The following CFAP58 variants were observed in gnomAD, a reference collection of about 807,000 sequenced individuals.
The protein encoded by CFAP58 is cilia and flagella associated protein 58.
CFAP58 carries 88 observed loss-of-function variants against 119.5 expected under a neutral mutation model. The observed-to-expected ratio is 0.74, with a 90% CI of 0.62 to 0.88. The LOEUF is 0.88. Among genes scored for constraint, CFAP58 ranks in the 40% least tolerant of loss-of-function variants. The pLI, the probability that CFAP58 is intolerant of heterozygous loss-of-function variation, is 0.00. For missense variants in CFAP58, 990 were observed against 1,021.2 expected, an observed-to-expected ratio of 0.97 and a Z score of 0.42; for synonymous variants, 365 against 366.3, an observed-to-expected ratio of 1.00 and a Z score of 0.04.
chr10:104,355,273 A>G (rs922410558), intron 1 of CFAP58, among the ~76,000 whole-genome samples: 1 of 151,590 alleles, frequency 6.6e-6, no homozygotes, highest in Non-Finnish European at 1.5e-5. Flanking sequence ...TTCATTCTTC[A>G]TTCCCCATAG....
intron 15 of CFAP58, among the ~76,000 whole-genome samples, chr10:104,410,743 C>T (rs2012446896): frequency 6.6e-6 from 1 of 152,128 alleles, no homozygotes; most frequent in East Asian, 1.9e-4. Flanking sequence ...AGAACACACT[C>T]CATTTCCTGA....
intron 15 of CFAP58, among the ~76,000 whole-genome samples, chr10:104,438,211 A>C (rs553932744): frequency 6.6e-6 from 1 of 152,186 alleles, no homozygotes; most frequent in African/African-American, 2.4e-5. Flanking sequence ...AACACACATT[A>C]TCTCATAACT....
chr10:104,406,629 A>T, intron 14 of CFAP58, 60 bp from the exon 15 acceptor site: 1 of 1,300,626 alleles, frequency 7.7e-7, no homozygotes. Context: ...TTTTACATAG[A>T]GGCCTCAGTG....
chr10:104,426,981 G>C (rs1347769160), intron 15 of CFAP58, among the ~76,000 whole-genome samples: 1 of 152,156 alleles, frequency 6.6e-6, no homozygotes, highest in East Asian at 1.9e-4. Flanking sequence ...AATGATGTTG[G>C]GTTTTTAGAA....
At chr10:104,441,083 G>A (rs1477087907) in intron 15 of CFAP58, among the ~76,000 whole-genome samples, 1 of 152,142 alleles carries the variant, frequency 6.6e-6, no homozygotes, top group Non-Finnish European at 1.5e-5. Flanking sequence ...GCTCACTGCA[G>A]CCTCTGCCTC....
chr10:104,360,489 A>C (rs1203614237), intron 2 of CFAP58, among the ~76,000 whole-genome samples: 2 of 152,082 alleles, frequency 1.3e-5, no homozygotes, highest in African/African-American at 4.8e-5. Flanking sequence ...ACTTTTTAAA[A>C]AAAACTTTTA....
At chr10:104,447,187 T>TC (rs2013123772) in intron 15 of CFAP58, among the ~76,000 whole-genome samples, 2 of 72,232 alleles carry the variant, frequency 2.8e-5, no homozygotes, top group Admixed American at 1.2e-4. Context: ...TCCTCTCTCT[T>TC]TTTTTTTTTA....
rs1291993235 is a variant in CFAP58, at chr10:104,362,645, C to T, written c.440+474C>T. On this transcript the variant is annotated intron_variant, in intron 3 of 17. Coordinates refer to ENST00000369704, the MANE Select transcript of CFAP58 (RefSeq NM_001008723.2). ...GCTTGGTCTTCTAAGCATGGCCTTT[C>T]ACTCCTTCTGGTCACCAGTGCTACT... 2.0e-5 allele frequency among the ~76,000 whole-genome samples: 3 copies of T among 152,178 alleles called. No individual in the cohort carries two copies. The East Asian group carries it at 5.8e-4, about 29-fold the overall frequency.
Position 104,406,698 on chromosome 10 carries a change from C to T in CFAP58, c.2161C>T (p.Pro721Ser), listed in dbSNP as rs1389834832. The T allele has an allele frequency of 1.9e-6, 3 of 1,614,062 alleles. No homozygotes were observed. Among genetic ancestry groups the T allele is most frequent in the Non-Finnish European group, 2.5e-6 (3 of 1,179,980 alleles). The change falls in exon 15 of 18, where the codon CCC (proline) becomes TCC (serine). Residue 721 changes from proline (P) to serine (S), a missense_variant. Pro to Ser is a moderately conservative substitution (Grantham distance 74). Transcript: ENST00000369704. ...TGTTCCCCTTGGACAGGCCAGCGAC[C>T]CCAATGCATATGAGCTGATACAGAA... is the stretch of plus-strand genomic sequence containing the variant. ...HRWRKLEASDPNAYELIQKIH... is the reference protein window; with the variant it reads ...HRWRKLEASDSNAYELIQKIH...
intron 14 of CFAP58, among the ~76,000 whole-genome samples, chr10:104,404,279 T>G (rs992815986): frequency 6.6e-6 from 1 of 152,244 alleles, no homozygotes; most frequent in African/African-American, 2.4e-5. Context: ...ACTGCCCTCT[T>G]TTTGAAAGCA....
rs1184447008 is a variant in CFAP58, at chr10:104,427,039, G to A, written c.2256+20246G>A. ...TGAATGGCCAAGAAGCCACTGCAGA[G>A]GAAGCTTGCTGTTACAATGCCCAAG... On this transcript the variant is annotated intron_variant, in intron 15 of 17. Transcript: ENST00000369704. Among the ~76,000 whole-genome samples, 3 of 152,302 alleles carry A rather than the reference G, an allele frequency of 2.0e-5. No homozygotes were observed. The East Asian group carries it at 5.8e-4, about 29-fold the overall frequency.
At chr10:104,407,975 C>T (rs962062298) in intron 15 of CFAP58, among the ~76,000 whole-genome samples, 1 of 152,186 alleles carries the variant, frequency 6.6e-6, no homozygotes, top group Non-Finnish European at 1.5e-5. Context: ...GGATTACAGG[C>T]GTGAGCCACT....
chr10:104,384,635 GA>G (rs1564887158), intron 9 of CFAP58, among the ~76,000 whole-genome samples: 1 of 152,128 alleles, frequency 6.6e-6, no homozygotes, highest in African/African-American at 2.4e-5. Context: ...GACTATCAGC[GA>G]TTTCATAAGG....
At chr10:104,365,042 C>G (rs926421615) in intron 4 of CFAP58, among the ~76,000 whole-genome samples, 153 bp downstream of exon 4, 4 of 152,126 alleles carry the variant, frequency 2.6e-5, no homozygotes, top group African/African-American at 9.7e-5. Context: ...AGTTTGTTCT[C>G]TTGAGAGGAG....
chr10:104,381,733 C>A (rs890957920), intron 9 of CFAP58, among the ~76,000 whole-genome samples: 9 of 152,114 alleles, frequency 5.9e-5, no homozygotes, highest in African/African-American at 2.2e-4. Flanking sequence ...CAGCTTCTTC[C>A]CACTTAGACT....
chr10:104,376,420 C>T (rs2011663293), intron 7 of CFAP58, among the ~76,000 whole-genome samples: 1 of 151,006 alleles, frequency 6.6e-6, no homozygotes, highest in Non-Finnish European at 1.5e-5. Flanking sequence ...CAGGAAAATC[C>T]CTTGAACCTG....
At position 104,386,194 on chromosome 10, in the gene CFAP58, A is replaced by G. The variant is rs146161334; in HGVS notation, c.1365+5974A>G. ...GGAGTTCAAGTCCAGCCTGGCCAAC[A>G]TGGTGAAACACCATTTCTACTAAAA... is the stretch of plus-strand genomic sequence containing the variant. On this transcript the variant is annotated intron_variant, in intron 9 of 17. Transcript: ENST00000369704. Among the ~76,000 whole-genome samples, 1,016 of 151,738 alleles carry G rather than the reference A, an allele frequency of 6.7e-3. 8 individuals carry two copies. Among genetic ancestry groups the G allele is most frequent in the African/African-American group, 0.023 (968 of 41,424 alleles).
At chr10:104,342,844 CA>C in the CFAP58 span, among the ~76,000 whole-genome samples, 2,560 of 48,416 alleles carry the variant, frequency 0.053, 49 homozygotes, top group African/African-American at 0.15. Flanking sequence ...GACCCTGTAT[CA>C]AAAAAAAAAA....
chr10:104,380,291 A>G (rs2011759629), intron 9 of CFAP58, 71 bp downstream of exon 9: 1 of 1,327,540 alleles, frequency 7.5e-7, no homozygotes, highest in African/African-American at 1.5e-5. Context: ...ATGGTCACAA[A>G]CTGTTGCAAA....
Sources: gnomAD v4.1 joint callset for allele counts (sites outside exome capture counted in the v4.1 genomes callset) on GRCh38, gnomAD v4.1.1 for gene constraint, MANE v1.5 for transcripts, NCBI Gene and HGNC (gene_info 2026-07-23, HGNC 2026-07-21) for gene names.